The following GRIN2B variants were observed in gnomAD, a reference collection of about 807,000 sequenced individuals.
GRIN2B encodes the protein glutamate receptor ionotropic, NMDA 2B.
A neutral mutation model predicts 114.5 loss-of-function variants in GRIN2B; 5 were observed. The ratio of observed to expected loss-of-function variants is 0.04; its 90% CI spans 0.02 to 0.09. The LOEUF (loss-of-function observed/expected upper bound fraction) is 0.09. GRIN2B is among the 10% of genes least tolerant of loss of function. The pLI is 1.00. For synonymous variants in GRIN2B, 787 were observed against 745.1 expected (o/e 1.06, Z -0.92); for missense variants, 1,108 against 1,943.5 (o/e 0.57, Z 8.08).
chr12:13,655,662 C>T (rs1949856977), intron 5 of GRIN2B, among the ~76,000 whole-genome samples: 1 of 152,254 alleles, frequency 6.6e-6, no homozygotes, highest in Non-Finnish European at 1.5e-5. Context: ...CTCTGGGCCT[C>T]ATGTTGTTGG....
intron 3 of GRIN2B, among the ~76,000 whole-genome samples, chr12:13,840,676 G>C (rs1865363003): frequency 6.6e-6 from 1 of 152,164 alleles, no homozygotes; most frequent in African/African-American, 2.4e-5. Flanking sequence ...ATCAGTTCCA[G>C]TTAGGTTACT....
At chr12:13,815,433 G>A (rs891486802) in intron 3 of GRIN2B, among the ~76,000 whole-genome samples, 3 of 151,914 alleles carry the variant, frequency 2.0e-5, no homozygotes, top group African/African-American at 7.3e-5. Flanking sequence ...CAATCACAGA[G>A]TATTGAGAAA....
chr12:13,703,331 G>C (rs1230790107), intron 4 of GRIN2B, among the ~76,000 whole-genome samples: 1 of 152,060 alleles, frequency 6.6e-6, no homozygotes, highest in African/African-American at 2.4e-5. Flanking sequence ...TGTTATTCCT[G>C]AAATACTATT....
chr12:13,614,668 C>T (rs543858419), intron 8 of GRIN2B, among the ~76,000 whole-genome samples: 5 of 152,244 alleles, frequency 3.3e-5, no homozygotes, highest in African/African-American at 9.6e-5. Flanking sequence ...GCTCTGAGCG[C>T]AATTCTTGCA....
At chr12:13,596,596 G>T (rs1354978720) in intron 10 of GRIN2B, among the ~76,000 whole-genome samples, 1 of 152,180 alleles carries the variant, frequency 6.6e-6, no homozygotes, top group Non-Finnish European at 1.5e-5. Flanking sequence ...TTCCTTTGTA[G>T]CTGGATTAAG....
intron 3 of GRIN2B, among the ~76,000 whole-genome samples, chr12:13,830,886 T>C (rs1159210518): frequency 6.6e-6 from 1 of 152,184 alleles, no homozygotes; most frequent in East Asian, 1.9e-4. Flanking sequence ...TATGGAAAAA[T>C]GCAAGTGCTG....
chr12:13,613,573 G>A, intron 8 of GRIN2B, among the ~76,000 whole-genome samples: 1 of 152,052 alleles, frequency 6.6e-6, no homozygotes, highest in Non-Finnish European at 1.5e-5. Flanking sequence ...GTTAGGGGCT[G>A]AACTCTGAAA....
At chr12:13,585,289 GGTGA>G (rs1948903580) in intron 10 of GRIN2B, among the ~76,000 whole-genome samples, 2 of 152,162 alleles carry the variant, frequency 1.3e-5, no homozygotes, top group African/African-American at 2.4e-5. Flanking sequence ...CGGAGGCCAG[GGTGA>G]GTGAGGATCC....
chr12:13,940,708 T>A (rs1867228771), intron 2 of GRIN2B, among the ~76,000 whole-genome samples: 1 of 151,420 alleles, frequency 6.6e-6, no homozygotes, highest in Non-Finnish European at 1.5e-5. Context: ...AAATAACAGG[T>A]GGCCTGGCTG....
intron 4 of GRIN2B, among the ~76,000 whole-genome samples, chr12:13,712,461 C>G (rs968193630): frequency 1.3e-5 from 2 of 151,234 alleles, no homozygotes; most frequent in African/African-American, 4.9e-5. Flanking sequence ...TAAATCAAAA[C>G]AGTGGTCGCC....
At position 13,899,887 on chromosome 12, in the gene GRIN2B, G is replaced by T. The variant is rs151312531; in HGVS notation, c.-18-33661C>A. Among the ~76,000 whole-genome samples, 29 of 152,100 alleles carry T rather than the reference G, an allele frequency of 1.9e-4. No individual in the cohort carries two copies. In the East Asian group the frequency reaches 5.6e-3, roughly 29 times the overall value. On this transcript the variant is annotated intron_variant, in intron 2 of 13. Transcript: ENST00000609686. ...TCACCATAGTCTTTGAGTCTATGAT[G>T]ATCTCACATGCTATATCTCTAAGCT... is the stretch of plus-strand genomic sequence containing the variant.
At chr12:13,823,660 T>C (rs186475414) in intron 3 of GRIN2B, among the ~76,000 whole-genome samples, 195 of 152,270 alleles carry the variant, frequency 1.3e-3, no homozygotes, top group African/African-American at 4.5e-3. Flanking sequence ...TTTTGTACTT[T>C]ATTCCATATG....
chr12:13,893,456 C>T (rs1010506745), intron 2 of GRIN2B, among the ~76,000 whole-genome samples: 7 of 151,890 alleles, frequency 4.6e-5, no homozygotes, highest in African/African-American at 1.7e-4. Context: ...ATTATGATTC[C>T]AAATCAAATA....
intron 4 of GRIN2B, among the ~76,000 whole-genome samples, chr12:13,748,035 A>G (rs867000194): frequency 2.0e-5 from 3 of 152,308 alleles, no homozygotes; most frequent in Middle Eastern, 6.8e-3. Flanking sequence ...CTAAGAAAGT[A>G]CTTTTTTTCA....
chr12:13,720,955 C>T (rs999119087), intron 4 of GRIN2B, among the ~76,000 whole-genome samples: 2 of 152,064 alleles, frequency 1.3e-5, no homozygotes, highest in South Asian at 4.1e-4. Flanking sequence ...TAATAAACTA[C>T]AACCACAAGA....
In GRIN2B at chr12:13,755,829, T is replaced by C. The variant is rs760503004; in HGVS notation, c.412-1914A>G. Among the ~76,000 whole-genome samples, 75 of 152,064 alleles carry C rather than the reference T, an allele frequency of 4.9e-4. 3 individuals carry two copies. Among genetic ancestry groups the C allele is most frequent in the Non-Finnish European group, 1.6e-4 (11 of 68,012 alleles). Reference sequence around the variant, plus strand: ...GTATCTGATGGTATCAAGAGATGAGTGAGGCCCTCATAAATCAAATTAGTG... The same window carrying C: ...GTATCTGATGGTATCAAGAGATGAGCGAGGCCCTCATAAATCAAATTAGTG... On this transcript the variant is annotated intron_variant, in intron 3 of 13. Coordinates refer to ENST00000609686, the MANE Select transcript of GRIN2B (RefSeq NM_000834.5).
chr12:13,677,311 G>A (rs1054522064), intron 4 of GRIN2B, among the ~76,000 whole-genome samples: 1 of 152,124 alleles, frequency 6.6e-6, no homozygotes, highest in African/African-American at 2.4e-5. Context: ...AATGAAACTG[G>A]GAGGTCTTCT....
At chr12:13,569,737 A>T in intron 12 of GRIN2B, 93 bp downstream of exon 12, 1 of 828,064 alleles carries the variant, frequency 1.2e-6, no homozygotes, top group Non-Finnish European at 1.9e-6. Context: ...CCGGAAATGC[A>T]CAGGTTAAAG....
intron 3 of GRIN2B, among the ~76,000 whole-genome samples, chr12:13,814,703 A>G (rs777113663): frequency 2.6e-5 from 4 of 152,220 alleles, no homozygotes; most frequent in Admixed American, 6.5e-5. Flanking sequence ...GTGCTGTCCA[A>G]TGTGATAGCC....
Sources: gnomAD v4.1 joint callset for allele counts (sites outside exome capture counted in the v4.1 genomes callset) on GRCh38, gnomAD v4.1.1 for gene constraint, MANE v1.5 for transcripts, NCBI Gene and HGNC (gene_info 2026-07-23, HGNC 2026-07-21) for gene names.